The following PATZ1 variants were observed in gnomAD, a reference collection of about 807,000 sequenced individuals.
PATZ1 encodes POZ/BTB and AT hook containing zinc finger 1, also known as POZ-, AT hook-, and zinc finger-containing protein 1.
In PATZ1, 9 loss-of-function variants were observed where a neutral mutation model predicts 46.2. That is an observed-to-expected ratio of 0.19 (90% CI 0.12 to 0.34). The LOEUF is 0.34. PATZ1 is among the 10% of genes least tolerant of loss of function. The pLI is 1.00. For missense variants in PATZ1, 632 were observed against 923.0 expected (o/e 0.68, Z 4.08); for synonymous variants, 426 against 378.6 (o/e 1.13, Z -1.45).
intron 2 of PATZ1, among the ~76,000 whole-genome samples, chr22:31,336,817 A>AG (rs2049516780): frequency 6.9e-6 from 1 of 143,894 alleles, no homozygotes; most frequent in Non-Finnish European, 1.5e-5. Context: ...AAAAAAAAAA[A>AG]AAAAAAAAAA....
At chr22:31,344,021 G>A (rs891071255) in intron 1 of PATZ1, among the ~76,000 whole-genome samples, 3 of 152,170 alleles carry the variant, frequency 2.0e-5, no homozygotes, top group Non-Finnish European at 4.4e-5. Flanking sequence ...CCCACGCCTG[G>A]TGCCGGAAAC....
rs1220403013 is a variant in PATZ1 at position 31,326,901 on chromosome 22, T to C, written c.2054A>G (p.Glu685Gly). Residue 685 changes from glutamate (E) to glycine (G), a missense_variant, in exon 5 of 5, where the codon GAA becomes GGA. Glu to Gly is a moderately conservative substitution (Grantham distance 98). Coordinates refer to ENST00000266269, the MANE Select transcript of PATZ1 (RefSeq NM_014323.3). ...PEVDQQPMGP[E>G]GK ...GACACAGCAGCTGCCTCATTTCCCT[T>C]CAGGCCCCATGGGCTGCTGGTCAAC... The C allele has an allele frequency of 6.2e-7, 1 of 1,611,974 alleles. No homozygotes were observed. The highest frequency in any genetic ancestry group is 1.1e-5 in the South Asian group (1 of 90,902).
rs755748848 is a variant in PATZ1 at position 31,345,060 on chromosome 22, C to A, written c.543G>T (p.Ser181=). 6.2e-7 allele frequency: 1 copy of A among 1,614,178 alleles called. No individual in the cohort carries two copies. Residue 181 remains serine (S), a synonymous_variant, in exon 1 of 5, where the codon TCG becomes TCT. Coordinates refer to ENST00000266269, the MANE Select transcript of PATZ1 (RefSeq NM_014323.3). The surrounding 1 kb of genome is among the most constrained non-coding windows in gnomAD (Gnocchi z 7.4). The stretch of plus-strand genomic sequence containing the variant: ...TCATGTCCAAAGGGAAGCCCAAGTC[C>A]GAGGTCCCAGGGGGGCGAAAGAGCA... The part of the protein sequence containing the change: ...DIMLFRPPGT[S]DLGFPLDMTN...
intron 2 of PATZ1, chr22:31,341,726 C>T (rs747746496): frequency 2.4e-5 from 37 of 1,554,912 alleles, no homozygotes; most frequent in Middle Eastern, 1.7e-4. Context: ...CCCAGGCCAC[C>T]GGGCTTGCCC....
chr22:31,343,438 C>G (rs2049608331), intron 1 of PATZ1: 2 of 986,850 alleles, frequency 2.0e-6, no homozygotes, highest in Non-Finnish European at 2.4e-6. Context: ...AGCAGTGGAG[C>G]CTTAAGTCCC....
chr22:31,340,777 C>T, intron 2 of PATZ1: 1 of 1,056,652 alleles, frequency 9.5e-7, no homozygotes, highest in Non-Finnish European at 1.1e-6. Context: ...GGGTCTACAT[C>T]TGCTTTTTCA....
intron 3 of PATZ1, among the ~76,000 whole-genome samples, chr22:31,331,344 C>CT (rs36079277): frequency 0.27 from 38,214 of 140,608 alleles, 6,825 homozygotes; most frequent in African/African-American, 0.5. Context: ...TAATTTTTTC[C>CT]TTTTTTTTTT....
chr22:31,345,150 G>T lies in PATZ1; in HGVS notation c.453C>A (p.Ile151=). The change falls in exon 1 of 5, where the codon ATC becomes ATA. Residue 151 remains isoleucine, a synonymous_variant. Transcript: ENST00000266269. This position sits in a 1 kb window ranked among gnomAD's most constrained non-coding sequence, Gnocchi z 7.4. ...KFLLMRSVIE[I]CQEVIKQSNV... The stretch of plus-strand genomic sequence containing the variant: ...TGGACTGTTTGATGACTTCCTGGCA[G>T]ATCTCGATAACCGACCTCATCAGCA... The T allele has an allele frequency of 6.2e-7, 1 of 1,614,228 alleles. No individual in the cohort carries two copies. The highest frequency in any genetic ancestry group is 8.5e-7 in the Non-Finnish European group (1 of 1,180,030).
At chr22:31,330,285 A>G (rs1405826203) in intron 3 of PATZ1, among the ~76,000 whole-genome samples, 1 of 126,108 alleles carries the variant, frequency 7.9e-6, no homozygotes, top group African/African-American at 2.6e-5. Flanking sequence ...TATTATACCC[A>G]TTTTACAGAT....
rs367711849 is a variant in PATZ1 at position 31,327,176 on chromosome 22, G to A, written c.1779C>T (p.Pro593=). 1.9e-6 allele frequency: 3 copies of A among 1,614,080 alleles called. No homozygotes were observed. Among genetic ancestry groups the A allele is most frequent in the Non-Finnish European group, 2.5e-6 (3 of 1,180,046 alleles). ...CCCCATCAGACTCCATTTTGTTTTT[G>A]GGGACTGCCATGTCGCAGGAGAAAG... ...NGSFSCDMAV[P]KNKMESDGEK... The change falls in exon 5 of 5, where the codon CCC becomes CCT. Residue 593 remains proline, a synonymous_variant. Transcript: ENST00000266269. The surrounding 1 kb of genome is among the most constrained non-coding windows in gnomAD (Gnocchi z 4.2).
Position 31,342,892 on chromosome 22 carries a change from C to A in PATZ1, c.1335+5G>T. 1 of 1,613,968 alleles carries A rather than the reference C, an allele frequency of 6.2e-7. No individual in the cohort carries two copies. The highest frequency in any genetic ancestry group is 1.1e-5 in the South Asian group (1 of 91,074). On this transcript the variant is annotated splice_donor_5th_base_variant and intron_variant, in intron 2 of 4. Transcript: ENST00000266269. ...AGCCCATCTCTGCCCTGACCCAGCCCCTACCTGACACTTGTGAGGCCGCTC... is the reference window on the plus strand; with the variant it reads ...AGCCCATCTCTGCCCTGACCCAGCCACTACCTGACACTTGTGAGGCCGCTC...
rs1040689390 is a variant in PATZ1, at chr22:31,330,392, G to A, written c.1508-1468C>T. 5.6e-4 allele frequency among the ~76,000 whole-genome samples: 85 copies of A among 152,092 alleles called. 2 individuals carry two copies. The highest frequency in any genetic ancestry group is 4.5e-3 in the Admixed American group (68 of 15,252). On this transcript the variant is annotated intron_variant, in intron 3 of 4. Coordinates refer to ENST00000266269, the MANE Select transcript of PATZ1 (RefSeq NM_014323.3). ...ATCCTGGCTAACACAGTGAAACCCC[G>A]TCTCTACTAAAAATATAAAAAATTA...
At chr22:31,341,309 G>A (rs2049577277) in intron 2 of PATZ1, 1 of 1,474,236 alleles carries the variant, frequency 6.8e-7, no homozygotes. Context: ...ATGCTGGGCA[G>A]GAACCACCCT....
intron 3 of PATZ1, among the ~76,000 whole-genome samples, chr22:31,334,509 G>A (rs1312128173): frequency 6.6e-6 from 1 of 152,094 alleles, no homozygotes; most frequent in Non-Finnish European, 1.5e-5. Flanking sequence ...GGCACCCAAC[G>A]ATTCCGCCAA....
chr22:31,331,243 A>G (rs1165982175), intron 3 of PATZ1, among the ~76,000 whole-genome samples: 1 of 152,214 alleles, frequency 6.6e-6, no homozygotes, highest in Non-Finnish European at 1.5e-5. Context: ...AGAGTCCCCT[A>G]AAACAAAGCA....
chr22:31,337,026 C>T (rs2049520342), intron 2 of PATZ1, among the ~76,000 whole-genome samples: 1 of 151,406 alleles, frequency 6.6e-6, no homozygotes, highest in African/African-American at 2.4e-5. Context: ...GGGAGAATGG[C>T]ATAAACCCGG....
At chr22:31,332,324 C>G (rs571178380) in intron 3 of PATZ1, among the ~76,000 whole-genome samples, 1 of 152,328 alleles carries the variant, frequency 6.6e-6, no homozygotes, top group South Asian at 2.1e-4. Context: ...CAGAATACGT[C>G]TTTGAAGCCA....
At position 31,335,645 on chromosome 22, in the gene PATZ1, A is replaced by G. The variant is rs1197204311; in HGVS notation, c.1507+47T>C. 3.8e-6 allele frequency: 6 copies of G among 1,581,640 alleles called. No homozygotes were observed. In the East Asian group the frequency reaches 9.0e-5, roughly 24 times the overall value. On this transcript the variant is annotated intron_variant, in intron 3 of 4. Transcript: ENST00000266269. ...TGAGACACCCCTAGGCCTCCCATAC[A>G]CGCTCAGGCCCATCCTCTGGAAGTG...
Position 31,344,356 on chromosome 22 carries a change from T to A in PATZ1, c.1247A>T (p.Gln416Leu). The A allele has an allele frequency of 6.2e-7, 1 of 1,611,876 alleles. No individual in the cohort carries two copies. The highest frequency in any genetic ancestry group is 1.1e-5 in the South Asian group (1 of 90,888). Residue 416 changes from glutamine (Q) to leucine (L), a missense_variant, in exon 1 of 5, where the codon CAG (glutamine) becomes CTG (leucine). Coordinates refer to ENST00000266269, the MANE Select transcript of PATZ1 (RefSeq NM_014323.3). Reference sequence around the variant, plus strand: ...CCTGGAGAAGCCTTTCCCACAGCTCTGGCAGATGTAAGGCTTGCCCACGGA... The same window carrying A: ...CCTGGAGAAGCCTTTCCCACAGCTCAGGCAGATGTAAGGCTTGCCCACGGA... ...DGSVGKPYIC[Q>L]SCGKGFSRPD...
Sources: allele counts gnomAD v4.1 joint callset (sites outside exome capture counted in the v4.1 genomes callset), GRCh38; gene constraint gnomAD v4.1.1; non-coding constraint Gnocchi (gnomAD v3.1); transcripts MANE v1.5; gene names NCBI Gene and HGNC (gene_info 2026-07-23, HGNC 2026-07-21).